The following TNRC6C variants were observed in gnomAD, a reference collection of about 807,000 sequenced individuals.
TNRC6C encodes the protein trinucleotide repeat containing adaptor 6C, also known as trinucleotide repeat-containing gene 6C protein.
A neutral mutation model predicts 153.7 loss-of-function variants in TNRC6C; 20 were observed. The observed-to-expected ratio is 0.13, with a 90% CI of 0.09 to 0.19. TNRC6C has a LOEUF of 0.19. TNRC6C is among the 10% of genes least tolerant of loss of function. The probability of loss-of-function intolerance (pLI) is 1.00; values close to 1 mark genes in which losing one functional copy is unlikely to be tolerated. For synonymous variants in TNRC6C, 811 were observed against 841.4 expected (o/e 0.96, Z 0.63); for missense variants, 1,987 against 2,172.0 (o/e 0.91, Z 1.69).
intron 1 of TNRC6C, chr17:78,008,559 G>C (rs2143306749): frequency 1.3e-5 from 2 of 152,194 alleles, no homozygotes; most frequent in Middle Eastern, 3.4e-3. Flanking sequence ...TCTTCCTCTT[G>C]ACTCCCCCTT....
At chr17:77,958,983 C>T (rs1212761568), upstream of TNRC6C, among the ~76,000 whole-genome samples, 1 of 145,032 alleles carries the variant, frequency 6.9e-6, no homozygotes, top group South Asian at 2.1e-4. Flanking sequence ...ACCCGGACCC[C>T]GCCGGAGCCG....
At chr17:77,995,662 A>T (rs566766155) in intron 1 of TNRC6C, among the ~76,000 whole-genome samples, 83 of 152,304 alleles carry the variant, frequency 5.4e-4, no homozygotes, top group African/African-American at 1.9e-3. Context: ...ACCAGCAAGG[A>T]CTACTGTATC....
chr17:77,991,866 C>T (rs1041354412), intron 1 of TNRC6C, among the ~76,000 whole-genome samples: 9 of 152,146 alleles, frequency 5.9e-5, no homozygotes, highest in African/African-American at 1.9e-4. Context: ...ATGGATGCAG[C>T]GTATGCTTGA....
chr17:78,048,927 C>T, exon 3 of TNRC6C: 1 of 1,273,482 alleles, frequency 7.9e-7, no homozygotes, highest in Non-Finnish European at 9.9e-7. Flanking sequence ...AAGCCAACTG[C>T]AGCTGGGATA....
chr17:78,009,065 C>A (rs939878227), intron 1 of TNRC6C, among the ~76,000 whole-genome samples: 1 of 152,038 alleles, frequency 6.6e-6, no homozygotes, highest in Non-Finnish European at 1.5e-5. Context: ...AAGAGACAGC[C>A]GAACACAATT....
chr17:78,041,780 T>G (rs2072301188), intron 2 of TNRC6C, among the ~76,000 whole-genome samples: 1 of 152,238 alleles, frequency 6.6e-6, no homozygotes, highest in African/African-American at 2.4e-5. Flanking sequence ...GTGGTATCAG[T>G]AAGCCTTAGT....
At chr17:77,959,080 C>T (rs1001281631), upstream of TNRC6C, among the ~76,000 whole-genome samples, 1 of 144,898 alleles carries the variant, frequency 6.9e-6, no homozygotes, top group South Asian at 2.1e-4. Context: ...CGCCCACTCG[C>T]CCGCGCCGCC....
intron 1 of TNRC6C, among the ~76,000 whole-genome samples, chr17:77,971,779 C>T (rs1358052584): frequency 7.9e-5 from 12 of 151,436 alleles, no homozygotes; most frequent in Admixed American, 7.2e-4. Flanking sequence ...CATGTATGTC[C>T]ATCAGAAATT....
chr17:78,092,994 T>C (rs377751957), exon 15 of TNRC6C: 25 of 1,613,794 alleles, frequency 1.5e-5, no homozygotes, highest in Non-Finnish European at 2.1e-5. Flanking sequence ...ATGACTCCTA[T>C]GGCCGGTACG....
intron 17 of TNRC6C, among the ~76,000 whole-genome samples, chr17:78,100,437 C>A (rs148757431): frequency 1.3e-5 from 2 of 152,262 alleles, no homozygotes; most frequent in Non-Finnish European, 2.9e-5. Flanking sequence ...CTCAACACCA[C>A]GTGGAAGCTG....
At chr17:78,091,178 A>G (rs1009899988) in intron 13 of TNRC6C, among the ~76,000 whole-genome samples, 8 of 152,122 alleles carry the variant, frequency 5.3e-5, no homozygotes, top group Admixed American at 2.0e-4. Flanking sequence ...CACCAGCACT[A>G]AAAGTTATAG....
intron 1 of TNRC6C, among the ~76,000 whole-genome samples, chr17:77,981,738 A>G (rs972169397): frequency 6.6e-6 from 1 of 152,172 alleles, no homozygotes; most frequent in Admixed American, 6.5e-5. Context: ...ATTTTAGTAA[A>G]TAATGTTTTA....
At chr17:78,086,222 C>T (rs1416294359) in intron 11 of TNRC6C, among the ~76,000 whole-genome samples, 3 of 149,186 alleles carry the variant, frequency 2.0e-5, no homozygotes, top group Non-Finnish European at 4.4e-5. Flanking sequence ...CCCAGCTACT[C>T]GGGAGGCTGA....
At chr17:78,093,559 T>C in intron 15 of TNRC6C, 61 bp from the exon 18 acceptor site, 1 of 1,586,534 alleles carries the variant, frequency 6.3e-7, no homozygotes, top group South Asian at 1.1e-5. Context: ...TCTTTTAAAA[T>C]TTCGTGAATC....
In TNRC6C at chr17:78,037,216, C is replaced by T. The variant is rs76911859; in HGVS notation, c.-219+5374C>T. 8.5e-5 allele frequency among the ~76,000 whole-genome samples: 13 copies of T among 152,334 alleles called. 2 individuals carry two copies. The East Asian group carries it at 2.5e-3, about 29-fold the overall frequency. ...TTCCTATATGAGAATGTTCAGGCAG[C>T]AGTGCCACACTCGGCTTGCACAGCT... On this transcript the variant is annotated intron_variant, in intron 2 of 19. Transcript: ENST00000301624.
At chr17:77,958,972 G>T (rs908638414), upstream of TNRC6C, among the ~76,000 whole-genome samples, 5 of 145,202 alleles carry the variant, frequency 3.4e-5, no homozygotes, top group African/African-American at 1.2e-4. Flanking sequence ...CGCCGCCTAG[G>T]ACCCGGACCC....
chr17:77,976,412 T>C (rs540513841), intron 1 of TNRC6C, among the ~76,000 whole-genome samples: 1 of 152,338 alleles, frequency 6.6e-6, no homozygotes, highest in African/African-American at 2.4e-5. Flanking sequence ...TTGTGAAGAC[T>C]ATTAGGATTT....
intron 1 of TNRC6C, among the ~76,000 whole-genome samples, chr17:78,029,667 C>T (rs992137778): frequency 6.6e-6 from 1 of 152,054 alleles, no homozygotes; most frequent in African/African-American, 2.4e-5. Context: ...TAAGAGTTTT[C>T]ACTCTTTCAT....
chr17:78,108,081 T>C (rs1435607910), exon 20 of TNRC6C: 1 of 152,176 alleles, frequency 6.6e-6, no homozygotes, highest in African/African-American at 2.4e-5. Flanking sequence ...CGGGTTGGCA[T>C]TGGTGTTACA....
Sources: allele counts gnomAD v4.1 joint callset (sites outside exome capture counted in the v4.1 genomes callset), GRCh38; gene constraint gnomAD v4.1.1; transcripts MANE v1.5; gene names NCBI Gene and HGNC (gene_info 2026-07-23, HGNC 2026-07-21).